Variants in XKR6 observed in about 807,000 individuals in gnomAD.
XKR6 encodes XK related 6, also known as XK-related protein 6.
In XKR6, 22 loss-of-function variants were observed where a neutral mutation model predicts 56.7. The ratio of observed to expected loss-of-function variants is 0.39; its 90% CI spans 0.28 to 0.55. The LOEUF is 0.55. Ranked by LOEUF, XKR6 falls within the 20% of genes least tolerant of loss-of-function variation. The probability of loss-of-function intolerance (pLI) is 0.66; values close to 1 mark genes in which losing one functional copy is unlikely to be tolerated. For missense variants in XKR6, 852 were observed against 889.0 expected, an observed-to-expected ratio of 0.96 and a Z score of 0.53; for synonymous variants, 524 against 387.8, an observed-to-expected ratio of 1.35 and a Z score of -4.13.
intron 1 of XKR6, among the ~76,000 whole-genome samples, chr8:11,193,736 T>G: frequency 9.9e-6 from 1 of 101,340 alleles, no homozygotes; most frequent in Admixed American, 1.2e-4. Flanking sequence ...TTTAAGGTTC[T>G]GACCCCCCCC....
intron 1 of XKR6, among the ~76,000 whole-genome samples, chr8:11,008,555 G>A (rs958150610): frequency 1.3e-4 from 20 of 151,720 alleles, no homozygotes; most frequent in Admixed American, 3.9e-4. Flanking sequence ...TAAGTAGCTG[G>A]GACCACAGGT....
At chr8:11,171,031 A>G (rs1362246631) in intron 1 of XKR6, among the ~76,000 whole-genome samples, 1 of 152,258 alleles carries the variant, frequency 6.6e-6, no homozygotes, top group Admixed American at 6.5e-5. Context: ...CCTAGTTTAG[A>G]AATCATGAAA....
chr8:11,089,348 T>A (rs528204732), intron 1 of XKR6, among the ~76,000 whole-genome samples: 1 of 152,162 alleles, frequency 6.6e-6, no homozygotes, highest in Non-Finnish European at 1.5e-5. Context: ...AAAAATGAAG[T>A]AGTCTGGGCC....
At chr8:11,049,979 G>A (rs575692007) in intron 1 of XKR6, among the ~76,000 whole-genome samples, 5 of 152,204 alleles carry the variant, frequency 3.3e-5, no homozygotes, top group African/African-American at 1.2e-4. Context: ...CGGGCCCCTC[G>A]TGAGGAAATC....
Position 10,967,627 on chromosome 8 carries a change from G to C in XKR6, c.765-42797C>G, listed in dbSNP as rs376969001. 4.6e-5 allele frequency among the ~76,000 whole-genome samples: 7 copies of C among 152,324 alleles called. No individual in the cohort carries two copies. The East Asian group carries it at 7.7e-4, about 17-fold the overall frequency. On this transcript the variant is annotated intron_variant, in intron 1 of 2. Transcript: ENST00000416569. ...GGCTCTGATCACAGGAAGTGGGCAA[G>C]GTAACAAGAGGTGGGGAGGGTTGTC... is the stretch of plus-strand genomic sequence containing the variant.
intron 1 of XKR6, among the ~76,000 whole-genome samples, chr8:10,961,074 T>G (rs1802045362): frequency 6.6e-6 from 1 of 151,438 alleles, no homozygotes; most frequent in Admixed American, 6.6e-5. Context: ...AAAAGGTGAG[T>G]ATCGGAGGCA....
chr8:10,952,301 C>A (rs1488006584), intron 1 of XKR6, among the ~76,000 whole-genome samples: 2 of 152,192 alleles, frequency 1.3e-5, no homozygotes, highest in African/African-American at 4.8e-5. Flanking sequence ...AAGAGGCCCA[C>A]TTACCACCCA....
intron 1 of XKR6, among the ~76,000 whole-genome samples, chr8:11,067,935 G>A (rs1003687633): frequency 1.3e-5 from 2 of 152,250 alleles, no homozygotes; most frequent in African/African-American, 4.8e-5. Flanking sequence ...GCTGTGACAG[G>A]ATGCCCTCAT....
chr8:10,915,678 T>C (rs969265306), intron 2 of XKR6, among the ~76,000 whole-genome samples: 1 of 152,220 alleles, frequency 6.6e-6, no homozygotes, highest in Non-Finnish European at 1.5e-5. Context: ...AATGGTTTAA[T>C]GTATTGCTTA....
chr8:11,159,885 T>C (rs922206706), intron 1 of XKR6, among the ~76,000 whole-genome samples: 1 of 152,222 alleles, frequency 6.6e-6, no homozygotes, highest in Non-Finnish European at 1.5e-5. Flanking sequence ...AGAGATATGA[T>C]GCTTAGACCC....
intron 1 of XKR6, among the ~76,000 whole-genome samples, chr8:10,991,109 G>A (rs185712778): frequency 2.6e-5 from 4 of 151,744 alleles, no homozygotes; most frequent in African/African-American, 9.7e-5. Context: ...TCACCATGTT[G>A]GTCAGTCTAG....
rs112971008 is a variant in XKR6 at position 11,157,485 on chromosome 8, GGTATGTATGTAT to G, written c.764+43079_764+43090del. On this transcript the variant is annotated intron_variant, in intron 1 of 2. Transcript: ENST00000416569. ...AACCTAAAATTATTTTAAAATAAAA[GGTATGTATGTAT>G]GTATGTATGTATGTATGTATGTATG... Among the ~76,000 whole-genome samples, 1,479 of 149,020 alleles carry G rather than the reference GGTATGTATGTAT, an allele frequency of 9.9e-3. 16 individuals are homozygous for G. Among genetic ancestry groups the G allele is most frequent in the African/African-American group, 0.025 (1,012 of 40,096 alleles).
intron 1 of XKR6, among the ~76,000 whole-genome samples, chr8:10,950,040 G>T (rs1307899756): frequency 2.6e-5 from 4 of 152,112 alleles, no homozygotes; most frequent in Non-Finnish European, 4.4e-5. Flanking sequence ...GAGCATCCTT[G>T]CCCCTCCACC....
At chr8:11,098,220 C>A (rs1245123772) in intron 1 of XKR6, among the ~76,000 whole-genome samples, 1 of 151,958 alleles carries the variant, frequency 6.6e-6, no homozygotes. Flanking sequence ...CTCACACACA[C>A]ACACGCACTC....
At chr8:11,001,172 TCTC>T (rs2129143022) in intron 1 of XKR6, among the ~76,000 whole-genome samples, 1 of 152,220 alleles carries the variant, frequency 6.6e-6, no homozygotes, top group African/African-American at 2.4e-5. Flanking sequence ...ACACAAATTT[TCTC>T]CTCCTACTCA....
At chr8:11,096,051 T>C (rs1798254837) in intron 1 of XKR6, among the ~76,000 whole-genome samples, 1 of 152,202 alleles carries the variant, frequency 6.6e-6, no homozygotes, top group Admixed American at 6.5e-5. Flanking sequence ...AAAAATGCTA[T>C]CAACAAAGCT....
intron 1 of XKR6, among the ~76,000 whole-genome samples, chr8:11,176,511 G>C (rs748787190): frequency 6.6e-6 from 1 of 152,026 alleles, no homozygotes; most frequent in Non-Finnish European, 1.5e-5. Flanking sequence ...TTTATGCAAC[G>C]TTTGTATATA....
intron 1 of XKR6, among the ~76,000 whole-genome samples, chr8:10,972,235 A>G (rs532682143): frequency 6.6e-5 from 10 of 152,342 alleles, no homozygotes; most frequent in African/African-American, 2.4e-4. Flanking sequence ...TAAACAGAAC[A>G]GAGCTCTCTA....
At chr8:10,974,867 A>C (rs1802507021) in intron 1 of XKR6, among the ~76,000 whole-genome samples, 1 of 152,200 alleles carries the variant, frequency 6.6e-6, no homozygotes, top group Non-Finnish European at 1.5e-5. Flanking sequence ...GGGGAAGGTG[A>C]AAAGGTTCTG....
Sources: allele counts gnomAD v4.1 joint callset (sites outside exome capture counted in the v4.1 genomes callset), GRCh38; gene constraint gnomAD v4.1.1; transcripts MANE v1.5; gene names NCBI Gene and HGNC (gene_info 2026-07-23, HGNC 2026-07-21).